The following PPP6R2 variants were observed in gnomAD, a reference collection of about 807,000 sequenced individuals.
PPP6R2 encodes the protein protein phosphatase 6 regulatory subunit 2, also known as serine/threonine-protein phosphatase 6 regulatory subunit 2.
Under a neutral mutation model 100.2 loss-of-function variants are expected in PPP6R2, and 62 were observed. The observed-to-expected ratio is 0.62, with a 90% CI of 0.50 to 0.76. The LOEUF is 0.76. Among genes scored for constraint, PPP6R2 ranks in the 30% least tolerant of loss-of-function variants. The pLI, the probability that PPP6R2 is intolerant of heterozygous loss-of-function variation, is 0.00. For missense variants in PPP6R2, 1,142 were observed against 1,276.3 expected (o/e 0.89, Z 1.60); for synonymous variants, 525 against 514.7 (o/e 1.02, Z -0.27).
intron 2 of PPP6R2, among the ~76,000 whole-genome samples, chr22:50,381,409 ACCACACGGGCCCCACC>A: frequency 1.1e-5 from 1 of 93,612 alleles, no homozygotes; most frequent in Non-Finnish European, 2.2e-5. Flanking sequence ...CCACCTCAGC[ACCACACGGGCCCCACC>A]TCAGCATCAC....
intron 3 of PPP6R2, among the ~76,000 whole-genome samples, chr22:50,402,839 C>G (rs1313653173): frequency 6.6e-6 from 1 of 152,198 alleles, no homozygotes; most frequent in East Asian, 1.9e-4. Flanking sequence ...AAAAGAAAAT[C>G]TTAGTCCCTC....
intron 1 of PPP6R2, among the ~76,000 whole-genome samples, chr22:50,353,612 C>T (rs1238545308): frequency 6.6e-6 from 1 of 152,106 alleles, no homozygotes; most frequent in Non-Finnish European, 1.5e-5. Context: ...AAAAATGGCA[C>T]CCCTCGACGT....
At chr22:50,388,286 T>C (rs2148785526) in intron 2 of PPP6R2, among the ~76,000 whole-genome samples, 1 of 150,420 alleles carries the variant, frequency 6.6e-6, no homozygotes, top group South Asian at 2.1e-4. Context: ...CCCAGCTACT[T>C]GGGAGGCTGA....
rs398037412 is a variant in PPP6R2 at position 50,412,630 on chromosome 22, C to CTT, written c.415-1894_415-1893dup. Among the ~76,000 whole-genome samples, 59 of 79,898 alleles carry CTT rather than the reference C, an allele frequency of 7.4e-4. 12 individuals are homozygous for CTT. The highest frequency in any genetic ancestry group is 2.9e-3 in the East Asian group (6 of 2,086). 52.4% of individuals were successfully genotyped at this position (79,898 alleles called of 152,430 possible). A position where few individuals can be genotyped will look rare whatever the true frequency, so the allele number is the denominator to read the frequency against. ...TGTTTCTTGTCAGTTTAAATAAGTC[C>CTT]TTTTTTTTTTTTTTTTTTTTTTTTT... On this transcript the variant is annotated intron_variant, in intron 4 of 23. Coordinates refer to ENST00000612753, the MANE Select transcript of PPP6R2 (RefSeq NM_001242898.2).
At chr22:50,348,844 C>T (rs1388089238) in intron 1 of PPP6R2, among the ~76,000 whole-genome samples, 1 of 150,828 alleles carries the variant, frequency 6.6e-6, no homozygotes, top group Non-Finnish European at 1.5e-5. Flanking sequence ...GAGGTGGGAG[C>T]ATCACTTAAG....
intron 8 of PPP6R2, among the ~76,000 whole-genome samples, chr22:50,420,202 G>C (rs1250160852): frequency 3.3e-5 from 5 of 152,326 alleles, no homozygotes; most frequent in African/African-American, 4.8e-5. Context: ...ACATGGGGCT[G>C]GTGGGTGGAG....
chr22:50,438,819 C>T lies in PPP6R2; in HGVS notation c.2128+57C>T, dbSNP rs971568938. On this transcript the variant is annotated intron_variant, in intron 19 of 23. Transcript: ENST00000612753. ...GGTATCGGGGACAGGACATGGTACC[C>T]CGGCCTGGGTGTTGTGGAGGCTTCA... 7 of 1,495,498 alleles carry T rather than the reference C, an allele frequency of 4.7e-6. No homozygotes were observed. The Admixed American group carries it at 1.3e-4, about 28-fold the overall frequency. The allele number at this position is 1,495,498 out of a possible 1,614,324, so 92.6% of individuals were successfully genotyped here. A position where few individuals can be genotyped will look rare whatever the true frequency, so the allele number is the denominator to read the frequency against.
rs750984499 is a variant in PPP6R2, at chr22:50,422,272, C to G, written c.864C>G (p.Asp288Glu). The G allele has an allele frequency of 1.2e-6, 2 of 1,614,026 alleles. No individual in the cohort carries two copies. The highest frequency in any genetic ancestry group is 2.2e-5 in the East Asian group (1 of 44,874). The change falls in exon 9 of 24, where the codon GAC (aspartate) becomes GAG (glutamate). Residue 288 changes from aspartate to glutamate, a missense_variant. By Grantham distance (45) the Asp-to-Glu change is conservative (BLOSUM62 2). This residue lies in a region of PPP6R2 where 592 missense variants were observed against 758.9 expected (regional missense o/e 0.78). Transcript: ENST00000612753. ...TCCACAGGACAGAGGGCTTGGTGGA[C>G]TCCTTTTCTCAGGGACTGGAAAGGT... Reference protein sequence around the residue: ...TRRVGTEGLVDSFSQGLERSY... With the variant: ...TRRVGTEGLVESFSQGLERSY...
At chr22:50,420,750 G>T (rs1232427110) in intron 8 of PPP6R2, among the ~76,000 whole-genome samples, 1 of 152,166 alleles carries the variant, frequency 6.6e-6, no homozygotes, top group Non-Finnish European at 1.5e-5. Flanking sequence ...GATCCTATAG[G>T]GTGTGTCCCA....
chr22:50,426,067 C>G (rs2062079322), intron 10 of PPP6R2, among the ~76,000 whole-genome samples: 1 of 152,126 alleles, frequency 6.6e-6, no homozygotes, highest in Non-Finnish European at 1.5e-5. Flanking sequence ...ATCCTCCCAC[C>G]TCAGCCTCCT....
At chr22:50,417,419 C>T (rs1249359343) in intron 6 of PPP6R2, among the ~76,000 whole-genome samples, 4 of 152,154 alleles carry the variant, frequency 2.6e-5, no homozygotes, top group Admixed American at 2.6e-4. Flanking sequence ...AGGAGCCACC[C>T]ACCCTGGAAG....
intron 1 of PPP6R2, among the ~76,000 whole-genome samples, chr22:50,365,191 C>A (rs528937870): frequency 6.6e-6 from 1 of 151,710 alleles, no homozygotes; most frequent in African/African-American, 2.4e-5. Context: ...CCTGCCTCAG[C>A]GTCCCAAGTA....
At chr22:50,332,232 T>G in the PPP6R2 span, among the ~76,000 whole-genome samples, 1 of 110,120 alleles carries the variant, frequency 9.1e-6, no homozygotes, top group Non-Finnish European at 1.8e-5. Context: ...TTCTAGAAGA[T>G]TTTTTTTTTT....
intron 1 of PPP6R2, among the ~76,000 whole-genome samples, chr22:50,357,341 A>AT (rs991069443): frequency 3.4e-4 from 51 of 151,760 alleles, no homozygotes; most frequent in Admixed American, 3.0e-3. Context: ...AAGGGGGTGA[A>AT]TTTTTTTTGT....
chr22:50,427,936 G>T (rs543348048), intron 10 of PPP6R2, among the ~76,000 whole-genome samples: 159 of 152,296 alleles, frequency 1.0e-3, no homozygotes, highest in African/African-American at 3.4e-3. Flanking sequence ...TAGCCAGGAC[G>T]GTCTCGATCT....
chr22:50,355,226 CT>C (rs1555965942), intron 1 of PPP6R2, among the ~76,000 whole-genome samples: 12 of 114,548 alleles, frequency 1.0e-4, no homozygotes, highest in South Asian at 4.9e-4. Flanking sequence ...AGCAAGCAGC[CT>C]TCTTTTTTTT....
At chr22:50,358,962 T>G (rs2047166297) in intron 1 of PPP6R2, among the ~76,000 whole-genome samples, 1 of 141,550 alleles carries the variant, frequency 7.1e-6, no homozygotes, top group African/African-American at 2.5e-5. Context: ...TAATGGTATA[T>G]CCTGAAACCA....
At chr22:50,402,892 G>A (rs527402046) in intron 3 of PPP6R2, among the ~76,000 whole-genome samples, 1 of 152,336 alleles carries the variant, frequency 6.6e-6, no homozygotes, top group East Asian at 1.9e-4. Flanking sequence ...TGTGCCATGT[G>A]TGCACACGTT....
intron 2 of PPP6R2, 93 bp from the exon 3 acceptor site, chr22:50,393,800 G>A: frequency 6.4e-7 from 1 of 1,563,966 alleles, no homozygotes; most frequent in Non-Finnish European, 8.7e-7. Flanking sequence ...ATCTGCAGAG[G>A]TGAGAGAAAT....
Sources: allele counts gnomAD v4.1 joint callset (sites outside exome capture counted in the v4.1 genomes callset), GRCh38; gene constraint gnomAD v4.1.1; regional missense constraint gnomAD v4.1.1; transcripts MANE v1.5; gene names NCBI Gene and HGNC (gene_info 2026-07-23, HGNC 2026-07-21).